The following UVRAG variants were observed in gnomAD, a reference collection of about 807,000 sequenced individuals.
UVRAG encodes UV radiation resistance associated.
A neutral mutation model predicts 78.0 loss-of-function variants in UVRAG; 19 were observed. That is an observed-to-expected ratio of 0.24 (90% CI 0.17 to 0.36). The LOEUF (loss-of-function observed/expected upper bound fraction) is 0.36, where lower values mean the gene tolerates loss of function less well. Among genes scored for constraint, UVRAG ranks in the 10% least tolerant of loss-of-function variants. UVRAG has a pLI of 1.00. For synonymous variants in UVRAG, 323 were observed against 324.6 expected (o/e 1.00, Z 0.05); for missense variants, 740 against 853.8 (o/e 0.87, Z 1.66).
intron 1 of UVRAG, among the ~76,000 whole-genome samples, chr11:75,816,201 A>G (rs1945260319): frequency 6.6e-6 from 1 of 152,076 alleles, no homozygotes. Context: ...GTATATATTC[A>G]TGTGTTCCTC....
chr11:76,082,312 G>C, intron 13 of UVRAG, among the ~76,000 whole-genome samples: 1 of 151,490 alleles, frequency 6.6e-6, no homozygotes, highest in Non-Finnish European at 1.5e-5. Context: ...AGGCCGAGGC[G>C]GGCAGATCAC....
At chr11:75,825,946 C>T (rs1306701557) in intron 1 of UVRAG, among the ~76,000 whole-genome samples, 4 of 151,822 alleles carry the variant, frequency 2.6e-5, no homozygotes, top group South Asian at 2.1e-4. Flanking sequence ...AAGCGATTCT[C>T]CTGTCTCAGC....
intron 10 of UVRAG, among the ~76,000 whole-genome samples, chr11:76,007,848 G>A (rs908560238): frequency 3.3e-5 from 5 of 152,016 alleles, no homozygotes; most frequent in Non-Finnish European, 7.4e-5. Context: ...TCATCTGAAA[G>A]ACTGCCAAAT....
At chr11:75,865,688 C>T (rs2134802321) in intron 3 of UVRAG, among the ~76,000 whole-genome samples, 1 of 151,926 alleles carries the variant, frequency 6.6e-6, no homozygotes, top group South Asian at 2.1e-4. Context: ...GATCTCGGCT[C>T]ATTTTAACCT....
chr11:75,870,642 C>T (rs1198564061), intron 3 of UVRAG, among the ~76,000 whole-genome samples: 1 of 151,890 alleles, frequency 6.6e-6, no homozygotes, highest in Admixed American at 6.6e-5. Context: ...ATTTGAAGAC[C>T]AGGAGGGTTT....
At chr11:76,120,480 T>C (rs1952254351) in intron 14 of UVRAG, among the ~76,000 whole-genome samples, 1 of 152,202 alleles carries the variant, frequency 6.6e-6, no homozygotes, top group Admixed American at 6.5e-5. Context: ...GAGAAATTAA[T>C]TGACTTTCCA....
chr11:75,846,553 A>C (rs1224504668), intron 1 of UVRAG, among the ~76,000 whole-genome samples: 2 of 151,784 alleles, frequency 1.3e-5, no homozygotes, highest in Admixed American at 6.6e-5. Context: ...ATTCATTTTA[A>C]GTTAATTTTT....
In UVRAG at chr11:75,842,179, C is replaced by T. The variant is rs75253030; in HGVS notation, c.118-9704C>T. ...TGATTTAGCCTCAGAAGTCACATAG[C>T]TTCATATCTGCCCACATTTAAGGGG... On this transcript the variant is annotated intron_variant, in intron 1 of 14. Transcript: ENST00000356136. Among the ~76,000 whole-genome samples the T allele has an allele frequency of 9.9e-5, 15 of 152,282 alleles. No homozygotes were observed. The East Asian group carries it at 2.9e-3, about 29-fold the overall frequency.
chr11:76,097,681 T>C (rs1951809477), intron 13 of UVRAG, among the ~76,000 whole-genome samples: 1 of 152,194 alleles, frequency 6.6e-6, no homozygotes, highest in African/African-American at 2.4e-5. Context: ...TCAATATCTA[T>C]TGATTGAATG....
intron 6 of UVRAG, among the ~76,000 whole-genome samples, chr11:75,929,034 T>C (rs1285229239): frequency 1.4e-5 from 2 of 146,774 alleles, no homozygotes; most frequent in African/African-American, 5.1e-5. Flanking sequence ...TGATGTGTGG[T>C]GAAAGTGGTA....
chr11:76,140,163 C>T (rs541788601), intron 14 of UVRAG, among the ~76,000 whole-genome samples: 9 of 129,506 alleles, frequency 6.9e-5, no homozygotes, highest in African/African-American at 2.3e-4. Flanking sequence ...CCCTCCTCTG[C>T]CAGTCCTCTA....
At chr11:75,897,117 A>G (rs1262239465) in intron 5 of UVRAG, among the ~76,000 whole-genome samples, 1 of 152,254 alleles carries the variant, frequency 6.6e-6, no homozygotes, top group Admixed American at 6.5e-5. Flanking sequence ...AAGAAACCCA[A>G]GATATTGAAA....
rs146506805 is a variant in UVRAG at position 75,977,355 on chromosome 11, G to C, written c.700-6032G>C. Among the ~76,000 whole-genome samples, 1,161 of 152,314 alleles carry C rather than the reference G, an allele frequency of 7.6e-3. 22 individuals carry two copies. The highest frequency in any genetic ancestry group is 0.027 in the African/African-American group (1,107 of 41,542). On this transcript the variant is annotated intron_variant, in intron 7 of 14. Coordinates refer to ENST00000356136, the MANE Select transcript of UVRAG (RefSeq NM_003369.4). ...AAGGGTGTATATTCTGTTGATTTGG[G>C]GTGGAGAGTTCTGTAGATGTCTATT...
At chr11:76,039,724 A>C (rs573154064) in intron 12 of UVRAG, among the ~76,000 whole-genome samples, 1 of 152,050 alleles carries the variant, frequency 6.6e-6, no homozygotes, top group South Asian at 2.1e-4. Flanking sequence ...AAAACACAAA[A>C]ATTAGCCGGA....
chr11:75,897,649 G>A (rs1947371818), intron 5 of UVRAG, among the ~76,000 whole-genome samples: 2 of 151,372 alleles, frequency 1.3e-5, no homozygotes, highest in Admixed American at 6.6e-5. Context: ...TCAGCCTCCC[G>A]AGTAGCTGGG....
intron 13 of UVRAG, among the ~76,000 whole-genome samples, chr11:76,105,904 C>CT (rs1479927268): frequency 6.6e-6 from 1 of 152,158 alleles, no homozygotes; most frequent in Non-Finnish European, 1.5e-5. Flanking sequence ...GAATGAAAAA[C>CT]TTATATAATC....
chr11:75,872,418 T>A (rs1342389615), intron 3 of UVRAG, among the ~76,000 whole-genome samples: 2 of 142,038 alleles, frequency 1.4e-5, no homozygotes, highest in African/African-American at 5.3e-5. Flanking sequence ...AGACGGAGGC[T>A]CACTCTGTCG....
chr11:75,917,760 G>A (rs1947889536), intron 6 of UVRAG, among the ~76,000 whole-genome samples: 1 of 152,250 alleles, frequency 6.6e-6, no homozygotes, highest in South Asian at 2.1e-4. Context: ...AGTAATCTTA[G>A]TCATTTTTGG....
At chr11:75,828,634 A>G (rs1434740359) in intron 1 of UVRAG, among the ~76,000 whole-genome samples, 3 of 149,620 alleles carry the variant, frequency 2.0e-5, no homozygotes, top group Admixed American at 6.7e-5. Flanking sequence ...ACGCACCACC[A>G]TGCCTGGCTA....
Sources: allele counts gnomAD v4.1 joint callset (sites outside exome capture counted in the v4.1 genomes callset), GRCh38; gene constraint gnomAD v4.1.1; transcripts MANE v1.5; gene names NCBI Gene and HGNC (gene_info 2026-07-23, HGNC 2026-07-21).